The following ANKHD1 variants were observed in gnomAD, a reference collection of about 807,000 sequenced individuals.
ANKHD1 encodes ankyrin repeat and KH domain-containing protein 1.
In ANKHD1, 31 loss-of-function variants were observed where a neutral mutation model predicts 230.5. That is an observed-to-expected ratio of 0.13 (90% confidence interval 0.10 to 0.18). The LOEUF is 0.18. Among genes scored for constraint, ANKHD1 ranks in the 10% least tolerant of loss-of-function variants. ANKHD1 has a pLI of 1.00. For synonymous variants in ANKHD1, 1,074 were observed against 1,117.6 expected (o/e 0.96, Z 0.78); for missense variants, 2,256 against 3,071.3 (o/e 0.73, Z 6.27).
rs771405517 is a variant in ANKHD1 at position 140,402,172 on chromosome 5, G to A, written c.205G>A (p.Gly69Ser). ...CGGCGGCGGCAGCGGCAGCGGTACG[G>A]GCGGAGGGGACGCGGCGCTGGATTT... ...SGGGGSGSGT[G>S]GGDAALDFKL... The change falls in exon 1 of 34, where the codon GGC becomes AGC. Residue 69 changes from glycine (G) to serine (S), a missense_variant. Coordinates refer to ENST00000360839, the MANE Select transcript of ANKHD1 (RefSeq NM_017747.3). 3.3e-6 allele frequency: 5 copies of A among 1,529,366 alleles called. No homozygotes were observed. The highest frequency in any genetic ancestry group is 4.4e-6 in the Non-Finnish European group (5 of 1,143,240). The allele number at this position is 1,529,366 out of a possible 1,614,324, so 94.7% of individuals were successfully genotyped here.
chr5:140,402,374 C>G, intron 1 of ANKHD1, 101 bp downstream of exon 1: 2 of 1,359,640 alleles, frequency 1.5e-6, no homozygotes, highest in Non-Finnish European at 1.9e-6. Context: ...TGGTGGAGCC[C>G]TTCTGTGACA....
chr5:140,502,274 T>TA, intron 15 of ANKHD1, among the ~76,000 whole-genome samples: 1 of 152,210 alleles, frequency 6.6e-6, no homozygotes, highest in Admixed American at 6.5e-5. Context: ...CATTTGTAAT[T>TA]AGTCCTGTTA....
intron 15 of ANKHD1, among the ~76,000 whole-genome samples, chr5:140,501,223 C>G (rs965940010): frequency 1.3e-5 from 2 of 151,068 alleles, no homozygotes; most frequent in African/African-American, 2.4e-5. Flanking sequence ...ATTACAGGCG[C>G]CCACCACCAT....
chr5:140,508,616 C>T (rs1358413654), intron 20 of ANKHD1, among the ~76,000 whole-genome samples: 3 of 151,904 alleles, frequency 2.0e-5, no homozygotes, highest in African/African-American at 4.8e-5. Context: ...ATTAGCTGGA[C>T]GTGGTGGCAG....
At chr5:140,523,108 CTTTTTTTTTTT>C in intron 24 of ANKHD1, among the ~76,000 whole-genome samples, 1 of 93,498 alleles carries the variant, frequency 1.1e-5, no homozygotes, top group East Asian at 3.0e-4. Flanking sequence ...TTTCTTTTTC[CTTTTTTTTTTT>C]TTTTTTTTTT....
intron 11 of ANKHD1, 68 bp downstream of exon 11, chr5:140,482,735 GC>G (rs1439266352): frequency 1.3e-6 from 2 of 1,547,444 alleles, no homozygotes; most frequent in Non-Finnish European, 1.7e-6. Flanking sequence ...CTAAACTGTT[GC>G]AATTTATGTT....
chr5:140,454,509 T>A (rs1015565614), intron 7 of ANKHD1, among the ~76,000 whole-genome samples: 1 of 152,186 alleles, frequency 6.6e-6, no homozygotes, highest in African/African-American at 2.4e-5. Flanking sequence ...TATAACAAAC[T>A]GTCTCTCAGA....
intron 10 of ANKHD1, among the ~76,000 whole-genome samples, chr5:140,466,532 T>G (rs913030107): frequency 5.9e-5 from 9 of 152,242 alleles, no homozygotes; most frequent in Non-Finnish European, 8.8e-5. Context: ...TTTACTGTCT[T>G]CTGGAATTAG....
intron 14 of ANKHD1, among the ~76,000 whole-genome samples, chr5:140,491,156 A>ATTTT (rs1339403637): frequency 3.2e-5 from 3 of 94,954 alleles, no homozygotes; most frequent in African/African-American, 1.3e-4. Context: ...ATATATATAT[A>ATTTT]TATATTTTTT....
intron 10 of ANKHD1, among the ~76,000 whole-genome samples, chr5:140,467,279 A>G (rs1379895268): frequency 6.6e-6 from 1 of 152,192 alleles, no homozygotes; most frequent in Non-Finnish European, 1.5e-5. Context: ...TATATGTATA[A>G]CTTTTTACCT....
intron 15 of ANKHD1, among the ~76,000 whole-genome samples, chr5:140,498,403 T>TTTC (rs1432750770): frequency 6.6e-6 from 1 of 152,344 alleles, no homozygotes; most frequent in Middle Eastern, 3.4e-3. Flanking sequence ...TGGGCATGTG[T>TTTC]TTGACTTCCA....
intron 23 of ANKHD1, 36 bp downstream of exon 23, chr5:140,512,959 C>T (rs780649489): frequency 6.5e-7 from 1 of 1,544,736 alleles, no homozygotes; most frequent in Non-Finnish European, 8.7e-7. Flanking sequence ...CATTTTTGTT[C>T]TTTGTGGAAT....
chr5:140,503,546 T>C (rs1340501256), intron 15 of ANKHD1, among the ~76,000 whole-genome samples: 1 of 143,608 alleles, frequency 7.0e-6, no homozygotes, highest in Non-Finnish European at 1.5e-5. Context: ...TTAACTCAGT[T>C]TTCTTTCTTT....
At chr5:140,451,062 G>C (rs756393219) in intron 7 of ANKHD1, among the ~76,000 whole-genome samples, 68 of 152,166 alleles carry the variant, frequency 4.5e-4, no homozygotes, top group South Asian at 1.2e-3. Flanking sequence ...TAAGACACAA[G>C]AATCACTTGA....
At position 140,440,039 on chromosome 5, in the gene ANKHD1, CTATT is replaced by C. The variant is rs1272348229; in HGVS notation, c.618-76_618-73del. The stretch of plus-strand genomic sequence containing the variant: ...TGCATTAACATTTTTCTTTGTGTGA[CTATT>C]TATATTTAATATAATTTATCATAGG... On this transcript the variant is annotated intron_variant, in intron 3 of 33. Coordinates refer to ENST00000360839, the MANE Select transcript of ANKHD1 (RefSeq NM_017747.3). 6 of 1,366,568 alleles carry C rather than the reference CTATT, an allele frequency of 4.4e-6. No individual in the cohort carries two copies. The South Asian group carries it at 6.4e-5, about 15-fold the overall frequency. The allele number at this position is 1,366,568 out of a possible 1,614,324, so 84.7% of individuals were successfully genotyped here.
chr5:140,446,100 A>G lies in ANKHD1; in HGVS notation c.1147+125A>G, dbSNP rs1774257359. 3.2e-6 allele frequency: 3 copies of G among 935,286 alleles called. No homozygotes were observed. In the African/African-American group the frequency reaches 5.1e-5, roughly 16 times the overall value. The allele number at this position is 935,286 out of a possible 1,614,324, so 57.9% of individuals were successfully genotyped here. ...CCTGTGCTATAAAATTATCTAGTTT[A>G]TAAGAAATTATATAGAAAGTCTATT... On this transcript the variant is annotated intron_variant, in intron 6 of 33. Coordinates refer to ENST00000360839, the MANE Select transcript of ANKHD1 (RefSeq NM_017747.3).
intron 10 of ANKHD1, chr5:140,472,224 T>C (rs372156057): frequency 1.2e-6 from 2 of 1,611,050 alleles, no homozygotes; most frequent in African/African-American, 1.3e-5. Flanking sequence ...TGAGTTCTTC[T>C]TTTTCCTTTC....
chr5:140,417,085 A>T (rs1222237449), intron 1 of ANKHD1, among the ~76,000 whole-genome samples: 1 of 152,164 alleles, frequency 6.6e-6, no homozygotes, highest in Non-Finnish European at 1.5e-5. Context: ...GAAGCCATTG[A>T]ACCCAAAATA....
In ANKHD1 at chr5:140,519,012, G is replaced by C. The variant is rs546455475; in HGVS notation, c.4318-5054G>C. The stretch of plus-strand genomic sequence containing the variant: ...AGTCAAATTGTCCCTGTTTGCAGAC[G>C]ACATGATTGTATATCTAGAAAACCC... On this transcript the variant is annotated intron_variant, in intron 24 of 33. Coordinates refer to ENST00000360839, the MANE Select transcript of ANKHD1 (RefSeq NM_017747.3). Among the ~76,000 whole-genome samples the C allele has an allele frequency of 1.1e-4, 16 of 152,260 alleles. No individual in the cohort carries two copies. In the East Asian group the frequency reaches 2.5e-3, roughly 24 times the overall value.
Sources: gnomAD v4.1 joint callset for allele counts (sites outside exome capture counted in the v4.1 genomes callset) on GRCh38, gnomAD v4.1.1 for gene constraint, MANE v1.5 for transcripts, NCBI Gene and HGNC (gene_info 2026-07-23, HGNC 2026-07-21) for gene names.